Variants in LRRC41 observed in about 807,000 individuals in gnomAD.
LRRC41 encodes leucine-rich repeat-containing protein 41.
LRRC41 carries 17 observed loss-of-function variants against 72.1 expected under a neutral mutation model. That is an observed-to-expected ratio of 0.24 (90% confidence interval 0.16 to 0.35). The LOEUF (loss-of-function observed/expected upper bound fraction) is 0.35, where lower values mean the gene tolerates loss of function less well. Ranked by LOEUF, LRRC41 falls within the 10% of genes least tolerant of loss-of-function variation. The pLI, the probability that LRRC41 is intolerant of heterozygous loss-of-function variation, is 1.00. For synonymous variants in LRRC41, 427 were observed against 431.0 expected (o/e 0.99, Z 0.11); for missense variants, 759 against 1,065.0 (o/e 0.71, Z 4.00).
Position 46,285,874 on chromosome 1 carries a change from T to C in LRRC41, c.983A>G (p.Gln328Arg). ...PATRVTRRST[Q>R]ESLTAGGTDL... is the part of the protein sequence containing the mutation. ...TGTTCCGCCTGCTGTCAGGCTCTCC[T>C]GTGTGCTCCGGCGTGTTACCCGAGT... Residue 328 changes from glutamine to arginine, a missense_variant, in exon 4 of 10, where the codon CAG becomes CGG. This residue lies in a region of LRRC41 where 427 missense variants were observed against 520.9 expected (regional missense o/e 0.82). Coordinates refer to ENST00000617190, the MANE Select transcript of LRRC41 (RefSeq NM_006369.5). This position sits in a 1 kb window ranked among gnomAD's most constrained non-coding sequence, Gnocchi z 5.3. 1 of 1,574,432 alleles carries C rather than the reference T, an allele frequency of 6.4e-7. No homozygotes were observed. The highest frequency in any genetic ancestry group is 8.6e-7 in the Non-Finnish European group (1 of 1,162,490).
intron 4 of LRRC41, chr1:46,284,045 CAT>C (rs1190066668): frequency 1.3e-5 from 2 of 152,112 alleles, no homozygotes; most frequent in Non-Finnish European, 2.9e-5. Context: ...GAAAAGTATA[CAT>C]TGGATCTAGT....
At chr1:46,295,580 G>T (rs1280850624) in intron 3 of LRRC41, among the ~76,000 whole-genome samples, 1 of 152,214 alleles carries the variant, frequency 6.6e-6, no homozygotes, top group African/African-American at 2.4e-5. Flanking sequence ...CATGCTCCAA[G>T]TTAGGACCTC....
In LRRC41 at chr1:46,303,328, G is replaced by A; in HGVS notation, c.-6C>T. ...CAGGCCTCGGGCGCCGCCATCTTGG[G>A]GAGGTGCGCGAGCCCGAGAGTGTCG... is the stretch of plus-strand genomic sequence containing the variant. On this transcript the variant is annotated 5_prime_UTR_variant, in exon 1 of 10. Transcript: ENST00000617190. 2.0e-6 allele frequency: 3 copies of A among 1,511,224 alleles called. No individual in the cohort carries two copies. Among genetic ancestry groups the A allele is most frequent in the Non-Finnish European group, 2.6e-6 (3 of 1,133,380 alleles). 93.6% of individuals were successfully genotyped at this position (1,511,224 alleles called of 1,614,324 possible).
In LRRC41 at chr1:46,285,532, C is replaced by A; in HGVS notation, c.1325G>T (p.Gly442Val). The change falls in exon 4 of 10, where the codon GGA becomes GTA. Residue 442 changes from glycine to valine, a missense_variant. By Grantham distance (109) the Gly-to-Val change is moderately radical. Transcript: ENST00000617190. This position sits in a 1 kb window ranked among gnomAD's most constrained non-coding sequence, Gnocchi z 5.3. ...AAGCCCCAGGCAGCTGGGATCTGAT[C>A]CATCCAAAGCTCCACAAGCCACTTC... is the stretch of plus-strand genomic sequence containing the variant. ...IGEVACGALD[G>V]SDPSCLGLPA... The A allele has an allele frequency of 1.2e-6, 2 of 1,613,868 alleles. No homozygotes were observed. The highest frequency in any genetic ancestry group is 2.2e-5 in the South Asian group (2 of 91,058).
In LRRC41 at chr1:46,277,882, G is replaced by A; in HGVS notation, c.*983C>T. On this transcript the variant is annotated 3_prime_UTR_variant, in exon 10 of 10. Coordinates refer to ENST00000617190, the MANE Select transcript of LRRC41 (RefSeq NM_006369.5). ...ACAAGAAGGCACTGAGCAGCTGTGT[G>A]GTGGATGAGGAGCAGGATGTAGAGC... 1 of 1,614,012 alleles carries A rather than the reference G, an allele frequency of 6.2e-7. No homozygotes were observed. Among genetic ancestry groups the A allele is most frequent in the Non-Finnish European group, 8.5e-7 (1 of 1,179,938 alleles).
At chr1:46,294,405 GC>G (rs982898603) in intron 3 of LRRC41, among the ~76,000 whole-genome samples, 1 of 151,900 alleles carries the variant, frequency 6.6e-6, no homozygotes, top group Non-Finnish European at 1.5e-5. Context: ...ACCGCGCCCA[GC>G]CCTTTCTTTC....
chr1:46,287,574 A>C (rs1452757332), intron 3 of LRRC41, among the ~76,000 whole-genome samples: 1 of 152,202 alleles, frequency 6.6e-6, no homozygotes, highest in Non-Finnish European at 1.5e-5. Context: ...TCTGCCTGAG[A>C]AGCTTTATTT....
At chr1:46,288,783 G>A (rs1660938278) in intron 3 of LRRC41, among the ~76,000 whole-genome samples, 1 of 152,196 alleles carries the variant, frequency 6.6e-6, no homozygotes, top group Admixed American at 6.5e-5. Context: ...AACACAGAAA[G>A]GCCTTGCTCA....
At chr1:46,280,623 C>T (rs1267784220) in intron 5 of LRRC41, 63 bp from the exon 6 acceptor site, 32 of 1,520,094 alleles carry the variant, frequency 2.1e-5, no homozygotes, top group South Asian at 2.4e-5. Flanking sequence ...ATAGCAGGTC[C>T]CATCCTGTTC....
rs984546816 is a variant in LRRC41, at chr1:46,302,644, G to A, written c.199+480C>T. 2 of 985,252 alleles carry A rather than the reference G, an allele frequency of 2.0e-6. No individual in the cohort carries two copies. The highest frequency in any genetic ancestry group is 1.1e-4 in the East Asian group (1 of 8,798). 61.0% of individuals were successfully genotyped at this position (985,252 alleles called of 1,614,324 possible). On this transcript the variant is annotated intron_variant, in intron 1 of 9. Coordinates refer to ENST00000617190, the MANE Select transcript of LRRC41 (RefSeq NM_006369.5). The surrounding 1 kb of genome is among the most constrained non-coding windows in gnomAD (Gnocchi z 4.7). ...GACCCCCGTGGCGTGTCAGGCAGATGCTGGAGCCCCGGGGCCATCAGTCAG... is the reference window on the plus strand; with the variant it reads ...GACCCCCGTGGCGTGTCAGGCAGATACTGGAGCCCCGGGGCCATCAGTCAG...
In LRRC41 at chr1:46,279,292, C is replaced by T. The variant is rs749914378; in HGVS notation, c.2144-35G>A. 5.0e-6 allele frequency: 8 copies of T among 1,609,136 alleles called. No homozygotes were observed. Among genetic ancestry groups the T allele is most frequent in the Non-Finnish European group, 6.8e-6 (8 of 1,175,678 alleles). On this transcript the variant is annotated intron_variant, in intron 8 of 9. Transcript: ENST00000617190. This position sits in a 1 kb window ranked among gnomAD's most constrained non-coding sequence, Gnocchi z 4.5. ...AGGGGAGAACGCCTATCACCTCCAC[C>T]CAAGAACAGGGGACAAGGGTATCCC...
chr1:46,277,724 G>A lies in LRRC41; in HGVS notation c.*1141C>T. On this transcript the variant is annotated 3_prime_UTR_variant, in exon 10 of 10. Coordinates refer to ENST00000617190, the MANE Select transcript of LRRC41 (RefSeq NM_006369.5). ...TTTATTCATCTCCTCTTCTCGGGTA[G>A]CTGTAGTTTCAACCCTTTGGTTTTC... 7.2e-7 allele frequency: 1 copy of A among 1,392,714 alleles called. No individual in the cohort carries two copies. The highest frequency in any genetic ancestry group is 1.4e-5 in the African/African-American group (1 of 70,442). 86.3% of individuals were successfully genotyped at this position (1,392,714 alleles called of 1,614,324 possible).
In LRRC41 at chr1:46,282,772, T is replaced by C. The variant is rs371885416; in HGVS notation, c.1496-1387A>G. 3.4e-4 allele frequency among the ~76,000 whole-genome samples: 52 copies of C among 152,066 alleles called. 1 individual carries two copies. In the East Asian group the frequency reaches 9.7e-3, roughly 28 times the overall value. ...TAGGCCAGGTGTGGTGGCTCACACC[T>C]ATATAATCCCAGCACTTTGGGAGGC... On this transcript the variant is annotated intron_variant, in intron 4 of 9. Transcript: ENST00000617190.
chr1:46,285,283 C>A lies in LRRC41; in HGVS notation c.1495+79G>T, dbSNP rs1178729104. On this transcript the variant is annotated intron_variant, in intron 4 of 9. Coordinates refer to ENST00000617190, the MANE Select transcript of LRRC41 (RefSeq NM_006369.5). This position sits in a 1 kb window ranked among gnomAD's most constrained non-coding sequence, Gnocchi z 5.3. ...CTGATCATACCCCCAATTTGCCCCT[C>A]CCACCTCCCTAGAATTAGGCACACA... 1.3e-6 allele frequency: 2 copies of A among 1,501,570 alleles called. No homozygotes were observed. Among genetic ancestry groups the A allele is most frequent in the Non-Finnish European group, 9.1e-7 (1 of 1,098,588 alleles). The allele number at this position is 1,501,570 out of a possible 1,614,324, so 93.0% of individuals were successfully genotyped here.
At chr1:46,281,669 G>C (rs1660778357) in intron 4 of LRRC41, among the ~76,000 whole-genome samples, 1 of 152,232 alleles carries the variant, frequency 6.6e-6, no homozygotes. Flanking sequence ...GTGGCTACTA[G>C]CTGAATGACA....
At position 46,279,326 on chromosome 1, in the gene LRRC41, T is replaced by C. The variant is rs1032602983; in HGVS notation, c.2144-69A>G. On this transcript the variant is annotated intron_variant, in intron 8 of 9. Transcript: ENST00000617190. This position sits in a 1 kb window ranked among gnomAD's most constrained non-coding sequence, Gnocchi z 4.5. ...GGGGACAAGGGTATCCCAACCCAAC[T>C]ATGGCTGGCAGAACCAGCCCTGCTG... 2 of 1,584,680 alleles carry C rather than the reference T, an allele frequency of 1.3e-6. No individual in the cohort carries two copies. The highest frequency in any genetic ancestry group is 2.7e-5 in the African/African-American group (2 of 74,466).
chr1:46,290,922 T>G lies in LRRC41; in HGVS notation c.358-4423A>C, dbSNP rs1007497557. Among the ~76,000 whole-genome samples, 9 of 113,886 alleles carry G rather than the reference T, an allele frequency of 7.9e-5. 1 individual carries two copies. Among genetic ancestry groups the G allele is most frequent in the African/African-American group, 1.6e-4 (5 of 31,998 alleles). The allele number at this position is 113,886 out of a possible 152,430, so 74.7% of individuals were successfully genotyped here. ...CATGCCCGGCCTGTTTCTAGTTTTTTTTTTTTTTTTTTTTTTTTTTTTAAG... is the reference window on the plus strand; with the variant it reads ...CATGCCCGGCCTGTTTCTAGTTTTTGTTTTTTTTTTTTTTTTTTTTTTAAG... On this transcript the variant is annotated intron_variant, in intron 3 of 9. Coordinates refer to ENST00000617190, the MANE Select transcript of LRRC41 (RefSeq NM_006369.5).
intron 1 of LRRC41, chr1:46,299,312 TG>T (rs1661181679): frequency 6.5e-6 from 1 of 152,852 alleles, no homozygotes; most frequent in African/African-American, 2.4e-5. Context: ...CCCAGCACTT[TG>T]GGAGGCTAAG....
rs956956018 is a variant in LRRC41, at chr1:46,302,032, G to A, written c.199+1092C>T. 1 of 985,336 alleles carries A rather than the reference G, an allele frequency of 1.0e-6. No individual in the cohort carries two copies. Among genetic ancestry groups the A allele is most frequent in the Middle Eastern group, 5.2e-4 (1 of 1,912 alleles). 61.0% of individuals were successfully genotyped at this position (985,336 alleles called of 1,614,324 possible). A position where few individuals can be genotyped will look rare whatever the true frequency, so the allele number is the denominator to read the frequency against. On this transcript the variant is annotated intron_variant, in intron 1 of 9. Coordinates refer to ENST00000617190, the MANE Select transcript of LRRC41 (RefSeq NM_006369.5). This position sits in a 1 kb window ranked among gnomAD's most constrained non-coding sequence, Gnocchi z 4.7. Reference sequence around the variant, plus strand: ...CGGACCCAAGTTTCCCTCGTCAGCGGCCAGGCCGCGGCCAGCGGTCCCCAA... The same window carrying A: ...CGGACCCAAGTTTCCCTCGTCAGCGACCAGGCCGCGGCCAGCGGTCCCCAA...
Sources: gnomAD v4.1 joint callset for allele counts (sites outside exome capture counted in the v4.1 genomes callset) on GRCh38, gnomAD v4.1.1 for gene constraint, gnomAD v4.1.1 regional missense constraint, Gnocchi (gnomAD v3.1) non-coding constraint, MANE v1.5 for transcripts, NCBI Gene and HGNC (gene_info 2026-07-23, HGNC 2026-07-21) for gene names.